Variants in CCSER1 observed in about 807,000 individuals in gnomAD.
The protein encoded by CCSER1 is serine-rich coiled-coil domain-containing protein 1.
Under a neutral mutation model 82.0 loss-of-function variants are expected in CCSER1, and 41 were observed. That is an observed-to-expected ratio of 0.50 (90% CI 0.39 to 0.65). The LOEUF (loss-of-function observed/expected upper bound fraction) is 0.65, where lower values mean the gene tolerates loss of function less well. Among genes scored for constraint, CCSER1 ranks in the 30% least tolerant of loss-of-function variants. The pLI, the probability that CCSER1 is intolerant of heterozygous loss-of-function variation, is 0.00. For missense variants in CCSER1, 1,119 were observed against 1,064.2 expected, an observed-to-expected ratio of 1.05 and a Z score of -0.72; for synonymous variants, 414 against 383.9, an observed-to-expected ratio of 1.08 and a Z score of -0.92.
chr4:91,086,982 A>G (rs1325904796), intron 10 of CCSER1, among the ~76,000 whole-genome samples: 1 of 152,060 alleles, frequency 6.6e-6, no homozygotes, highest in African/African-American at 2.4e-5. Flanking sequence ...ATCTTTAGAT[A>G]TTTTTCATGT....
At chr4:91,484,964 A>T (rs10007512) in intron 10 of CCSER1, among the ~76,000 whole-genome samples, 88,090 of 151,906 alleles carry the variant, frequency 0.58, 26,018 homozygotes, top group East Asian at 0.86. Context: ...GATTTTAGAA[A>T]TTTTTGATAT....
rs1473805642 is a variant in CCSER1 at position 90,648,292 on chromosome 4, A to G, written c.1932+20060A>G. On this transcript the variant is annotated intron_variant, in intron 6 of 10. Transcript: ENST00000509176. ...AGAGAGAGAGAAAGAAAGGAAAGAA[A>G]GAAAGAAAGAAAGAAAGAAAGAAAG... is the stretch of plus-strand genomic sequence containing the variant. 2.3e-5 allele frequency among the ~76,000 whole-genome samples: 3 copies of G among 130,400 alleles called. 1 individual carries two copies. The highest frequency in any genetic ancestry group is 8.9e-5 in the African/African-American group (3 of 33,770). The allele number at this position is 130,400 out of a possible 152,430, so 85.5% of individuals were successfully genotyped here.
chr4:90,444,668 C>A (rs913943438), intron 4 of CCSER1, among the ~76,000 whole-genome samples: 1 of 152,102 alleles, frequency 6.6e-6, no homozygotes, highest in East Asian at 1.9e-4. Context: ...TAATATATCT[C>A]ATTTTATTTT....
intron 5 of CCSER1, among the ~76,000 whole-genome samples, chr4:90,597,579 G>A (rs1245623531): frequency 6.6e-6 from 1 of 151,830 alleles, no homozygotes; most frequent in Admixed American, 6.6e-5. Flanking sequence ...TTTACAACAT[G>A]TTATGAGATA....
At chr4:90,977,775 G>T (rs1330705689) in intron 9 of CCSER1, among the ~76,000 whole-genome samples, 1 of 151,354 alleles carries the variant, frequency 6.6e-6, no homozygotes, top group Non-Finnish European at 1.5e-5. Context: ...GTTCTTGTTG[G>T]GCTGGGATAT....
At chr4:91,433,315 T>C (rs1264669280) in intron 10 of CCSER1, among the ~76,000 whole-genome samples, 3 of 152,144 alleles carry the variant, frequency 2.0e-5, no homozygotes, top group Non-Finnish European at 4.4e-5. Flanking sequence ...ACTGTGGCCA[T>C]CATAACGTCA....
intron 10 of CCSER1, among the ~76,000 whole-genome samples, chr4:91,545,296 C>T (rs1434773781): frequency 1.3e-5 from 2 of 152,070 alleles, no homozygotes; most frequent in African/African-American, 4.8e-5. Flanking sequence ...GATGCCCCGC[C>T]CTGCTTCGGC....
chr4:90,801,529 C>T (rs1580536081), intron 7 of CCSER1, among the ~76,000 whole-genome samples: 2 of 152,272 alleles, frequency 1.3e-5, no homozygotes, highest in Middle Eastern at 3.4e-3. Flanking sequence ...AACATTCTTC[C>T]TCAATTGCTT....
intron 10 of CCSER1, among the ~76,000 whole-genome samples, chr4:91,218,261 G>A (rs896309099): frequency 5.3e-5 from 8 of 152,198 alleles, no homozygotes; most frequent in South Asian, 2.1e-4. Flanking sequence ...TGGCTGCTCC[G>A]AGAGCGGGGC....
Position 90,455,826 on chromosome 4 carries a change from G to C in CCSER1, c.1604-12408G>C, listed in dbSNP as rs201276773. Among the ~76,000 whole-genome samples the C allele has an allele frequency of 1.2e-4, 18 of 152,274 alleles. No individual in the cohort carries two copies. In the East Asian group the frequency reaches 3.3e-3, roughly 28 times the overall value. ...GATGACCTCCATCCACGATGCAGGA[G>C]GGCCTAGTTGGCAGGAGTTAGTCAT... is the stretch of plus-strand genomic sequence containing the variant. On this transcript the variant is annotated intron_variant, in intron 4 of 10. Coordinates refer to ENST00000509176, the MANE Select transcript of CCSER1 (RefSeq NM_001145065.2).
chr4:90,559,397 TCAG>T (rs1439889239), intron 5 of CCSER1, among the ~76,000 whole-genome samples: 1 of 152,072 alleles, frequency 6.6e-6, no homozygotes, highest in Non-Finnish European at 1.5e-5. Context: ...ACAAAGGCCT[TCAG>T]CAGACCCCAT....
intron 10 of CCSER1, among the ~76,000 whole-genome samples, chr4:91,596,314 C>A (rs1169862631): frequency 6.6e-6 from 1 of 151,922 alleles, no homozygotes; most frequent in Non-Finnish European, 1.5e-5. Context: ...CTACTCCTAC[C>A]ATTTCTACTT....
At chr4:90,152,798 T>G (rs904852297) in intron 1 of CCSER1, among the ~76,000 whole-genome samples, 3 of 151,836 alleles carry the variant, frequency 2.0e-5, no homozygotes, top group Non-Finnish European at 4.4e-5. Context: ...TGATGGGAGG[T>G]GCTTAAGCTT....
At chr4:91,194,992 G>A (rs1448418915) in intron 10 of CCSER1, among the ~76,000 whole-genome samples, 3 of 152,116 alleles carry the variant, frequency 2.0e-5, no homozygotes, top group Non-Finnish European at 2.9e-5. Flanking sequence ...TATGAAGGAA[G>A]AAAGTGATCC....
intron 10 of CCSER1, among the ~76,000 whole-genome samples, chr4:91,327,247 T>C (rs926992246): frequency 4.6e-5 from 7 of 152,188 alleles, no homozygotes; most frequent in African/African-American, 7.2e-5. Context: ...CATCCAGGTG[T>C]TTCCATAATC....
intron 10 of CCSER1, among the ~76,000 whole-genome samples, chr4:91,526,998 C>T (rs1760799790): frequency 1.3e-5 from 2 of 151,996 alleles, no homozygotes. Flanking sequence ...TGGCCAGCCC[C>T]AACCTTAATC....
Position 91,115,860 on chromosome 4 carries a change from T to TG in CCSER1, c.2217+29866_2217+29867insG, listed in dbSNP as rs1554069623. On this transcript the variant is annotated intron_variant, in intron 10 of 10. Transcript: ENST00000509176. ...ATTCTTTTATATATATATATATATA[T>TG]TTTTTTTTATTATACTTTAAGTTCT... is the stretch of plus-strand genomic sequence containing the variant. Among the ~76,000 whole-genome samples the TG allele has an allele frequency of 5.5e-3, 684 of 123,886 alleles. 4 individuals are homozygous for TG. The highest frequency in any genetic ancestry group is 0.02 in the African/African-American group (649 of 31,880). 81.3% of individuals were successfully genotyped at this position (123,886 alleles called of 152,430 possible).
intron 10 of CCSER1, among the ~76,000 whole-genome samples, chr4:91,172,666 C>T (rs775585416): frequency 1.6e-4 from 25 of 152,164 alleles, no homozygotes; most frequent in African/African-American, 4.3e-4. Context: ...ACATAACACG[C>T]GAGGCAGAAG....
At chr4:90,893,298 A>T (rs1037690734) in intron 8 of CCSER1, among the ~76,000 whole-genome samples, 2 of 152,034 alleles carry the variant, frequency 1.3e-5, no homozygotes, top group East Asian at 3.9e-4. Context: ...TTGGGAAGAG[A>T]ATGTAAGGAA....
Sources: gnomAD v4.1 joint callset for allele counts (sites outside exome capture counted in the v4.1 genomes callset) on GRCh38, gnomAD v4.1.1 for gene constraint, MANE v1.5 for transcripts, NCBI Gene and HGNC (gene_info 2026-07-23, HGNC 2026-07-21) for gene names.